Variants in RYR3 observed in about 807,000 individuals in gnomAD.
The protein encoded by RYR3 is ryanodine receptor 3.
In RYR3, 207 loss-of-function variants were observed where a neutral mutation model predicts 584.3. That is an observed-to-expected ratio of 0.35 (90% CI 0.32 to 0.40). The LOEUF (loss-of-function observed/expected upper bound fraction) is 0.40. RYR3 is among the 10% of genes least tolerant of loss of function. The pLI, the probability that RYR3 is intolerant of heterozygous loss-of-function variation, is 1.00. For missense variants in RYR3, 5,616 were observed against 6,089.2 expected, an observed-to-expected ratio of 0.92 and a Z score of 2.59; for synonymous variants, 2,416 against 2,248.5, an observed-to-expected ratio of 1.07 and a Z score of -2.11.
intron 40 of RYR3, among the ~76,000 whole-genome samples, chr15:33,699,136 G>A (rs555797652): frequency 3.0e-4 from 45 of 152,188 alleles, no homozygotes; most frequent in African/African-American, 8.7e-4. Context: ...TCAGACTTGC[G>A]TAACTGTAGA....
chr15:33,328,966 T>C (rs550463880), intron 1 of RYR3, among the ~76,000 whole-genome samples: 2 of 152,322 alleles, frequency 1.3e-5, no homozygotes, highest in South Asian at 4.1e-4. Context: ...GAAATATCAG[T>C]AAGTACAAGT....
chr15:33,580,111 A>G lies in RYR3; in HGVS notation c.1404A>G (p.Ser468=), dbSNP rs1449478018. 1 of 1,609,610 alleles carries G rather than the reference A, an allele frequency of 6.2e-7. No individual in the cohort carries two copies. The highest frequency in any genetic ancestry group is 8.5e-7 in the Non-Finnish European group (1 of 1,178,430). Residue 468 remains serine (S), a synonymous_variant, in exon 13 of 104, where the codon TCA becomes TCG. Coordinates refer to ENST00000634891, the MANE Select transcript of RYR3 (RefSeq NM_001036.6). ...AAGACAAGCAGAACAAGCTCCGCTCACTCAAAAACAGACAAAATCTTTTCA... is the reference window on the plus strand; with the variant it reads ...AAGACAAGCAGAACAAGCTCCGCTCGCTCAAAAACAGACAAAATCTTTTCA... The part of the protein sequence containing the change: ...RHEDKQNKLR[S]LKNRQNLFKE...
At chr15:33,822,013 TCATC>T (rs1375833188) in intron 80 of RYR3, among the ~76,000 whole-genome samples, 1 of 147,546 alleles carries the variant, frequency 6.8e-6, no homozygotes, top group Non-Finnish European at 1.5e-5. Flanking sequence ...ATTCGTTCGT[TCATC>T]CATTCATTCA....
chr15:33,397,921 T>A (rs2042396008), intron 1 of RYR3, among the ~76,000 whole-genome samples: 1 of 152,170 alleles, frequency 6.6e-6, no homozygotes, highest in Non-Finnish European at 1.5e-5. Context: ...TGGCCAGAAA[T>A]TCAGTTTTTT....
chr15:33,395,450 G>A (rs970813186), intron 1 of RYR3, among the ~76,000 whole-genome samples: 2 of 152,124 alleles, frequency 1.3e-5, no homozygotes, highest in African/African-American at 4.8e-5. Flanking sequence ...GCTACATAAC[G>A]CAAGGCACAT....
At position 33,821,616 on chromosome 15, in the gene RYR3, G is replaced by T; in HGVS notation, c.10995+14G>T. On this transcript the variant is annotated intron_variant, in intron 80 of 103. Transcript: ENST00000634891. ...GGTGTGCAACAGGTAACGGGAACTT[G>T]CAGCGGCTGGGCAGGCTCCCGGGGT... The T allele has an allele frequency of 1.2e-6, 2 of 1,613,190 alleles. No individual in the cohort carries two copies. Among genetic ancestry groups the T allele is most frequent in the Non-Finnish European group, 1.7e-6 (2 of 1,179,406 alleles).
At chr15:33,522,792 C>T (rs1383906294) in intron 3 of RYR3, among the ~76,000 whole-genome samples, 2 of 152,174 alleles carry the variant, frequency 1.3e-5, no homozygotes, top group Non-Finnish European at 2.9e-5. Flanking sequence ...CATTCTCTGG[C>T]TGTGACTCCT....
intron 38 of RYR3, among the ~76,000 whole-genome samples, chr15:33,686,828 T>A (rs2065045035): frequency 6.6e-6 from 1 of 152,214 alleles, no homozygotes; most frequent in Non-Finnish European, 1.5e-5. Context: ...AACCACATGA[T>A]TATCTCAATA....
At chr15:33,594,124 C>T (rs923441371) in intron 16 of RYR3, among the ~76,000 whole-genome samples, 8 of 152,182 alleles carry the variant, frequency 5.3e-5, no homozygotes, top group African/African-American at 1.9e-4. Context: ...TTACTTACCT[C>T]AGAAACCCTA....
intron 85 of RYR3, chr15:33,830,750 C>G (rs933322839): frequency 7.3e-6 from 3 of 408,258 alleles, no homozygotes; most frequent in Admixed American, 8.4e-5. Context: ...GAAGGCAGTC[C>G]TCACTCCTAT....
intron 87 of RYR3, 33 bp from the exon 88 acceptor site, chr15:33,836,873 A>ATAGCTCAGG (rs1359803509): frequency 1.3e-6 from 2 of 1,581,884 alleles, no homozygotes; most frequent in Non-Finnish European, 1.7e-6. Flanking sequence ...GAGGGATCAG[A>ATAGCTCAGG]TAGCTCAGGG....
At chr15:33,676,225 C>T (rs564245047) in intron 38 of RYR3, among the ~76,000 whole-genome samples, 3 of 131,506 alleles carry the variant, frequency 2.3e-5, no homozygotes, top group East Asian at 4.4e-4. Flanking sequence ...AACAAATGTA[C>T]GCTGCCTCTA....
intron 1 of RYR3, among the ~76,000 whole-genome samples, chr15:33,393,983 ATCAAACAATTT>A (rs1337287019): frequency 6.6e-6 from 1 of 152,222 alleles, no homozygotes; most frequent in Non-Finnish European, 1.5e-5. Flanking sequence ...GAGACACAGG[ATCAAACAATTT>A]TCCTATGGTC....
At chr15:33,609,946 C>T (rs567844235) in intron 18 of RYR3, among the ~76,000 whole-genome samples, 1 of 151,986 alleles carries the variant, frequency 6.6e-6, no homozygotes, top group Non-Finnish European at 1.5e-5. Flanking sequence ...GTTTTGTTTT[C>T]TTTTTAAATA....
intron 19 of RYR3, among the ~76,000 whole-genome samples, chr15:33,622,148 C>G (rs1489952384): frequency 6.6e-6 from 1 of 152,168 alleles, no homozygotes; most frequent in Non-Finnish European, 1.5e-5. Context: ...CTAGGAGAAT[C>G]TTATATTTCC....
At chr15:33,775,176 G>A (rs186008001) in intron 64 of RYR3, among the ~76,000 whole-genome samples, 222 of 152,256 alleles carry the variant, frequency 1.5e-3, no homozygotes, top group Non-Finnish European at 2.0e-3. Context: ...CCTGTGCTTC[G>A]TGCTCCATGT....
intron 10 of RYR3, among the ~76,000 whole-genome samples, 172 bp from the exon 11 acceptor site, chr15:33,562,665 A>G (rs1338410457): frequency 1.3e-5 from 2 of 152,212 alleles, no homozygotes; most frequent in Non-Finnish European, 2.9e-5. Flanking sequence ...ACAATTAACA[A>G]GCGATAAGGG....
Position 33,566,661 on chromosome 15 carries a change from C to T in RYR3, c.1147-17C>T, listed in dbSNP as rs1176815911. 3.7e-6 allele frequency: 6 copies of T among 1,613,272 alleles called. No individual in the cohort carries two copies. Among genetic ancestry groups the T allele is most frequent in the Admixed American group, 1.7e-5 (1 of 59,992 alleles). On this transcript the variant is annotated splice_polypyrimidine_tract_variant and intron_variant, in intron 11 of 103. Transcript: ENST00000634891. ...ATAATTGTAACCTAGAGCTCCCGTCCCTTGCCCTGTGGGTAGGTCATACTC... is the reference window on the plus strand; with the variant it reads ...ATAATTGTAACCTAGAGCTCCCGTCTCTTGCCCTGTGGGTAGGTCATACTC...
chr15:33,794,127 ATT>A (rs1491113457), intron 67 of RYR3, among the ~76,000 whole-genome samples: 10 of 110,590 alleles, frequency 9.0e-5, no homozygotes, highest in African/African-American at 4.2e-4. Flanking sequence ...ATAAATATAT[ATT>A]TATATATAAT....
Sources: allele counts gnomAD v4.1 joint callset (sites outside exome capture counted in the v4.1 genomes callset), GRCh38; gene constraint gnomAD v4.1.1; transcripts MANE v1.5; gene names NCBI Gene and HGNC (gene_info 2026-07-23, HGNC 2026-07-21).